The following MTERF4 variants were observed in gnomAD, a reference collection of about 807,000 sequenced individuals.
MTERF4 encodes mitochondrial transcription termination factor 4, also known as transcription termination factor 4, mitochondrial.
Under a neutral mutation model 22.5 loss-of-function variants are expected in MTERF4, and 17 were observed. The observed-to-expected ratio is 0.75, with a 90% CI of 0.52 to 1.13. The LOEUF is 1.13. Among genes scored for constraint, MTERF4 ranks in the 50% most tolerant of loss-of-function variants. The pLI is 0.00. For synonymous variants in MTERF4, 165 were observed against 175.3 expected (o/e 0.94, Z 0.47); for missense variants, 420 against 466.8 (o/e 0.90, Z 0.92).
downstream of MTERF4, chr2:241,082,260 G>C: frequency 6.3e-7 from 1 of 1,591,998 alleles, no homozygotes; most frequent in Non-Finnish European, 8.6e-7. Context: ...GTGAGCCACT[G>C]CCCTTCTTTG....
chr2:241,051,799 G>A, the MTERF4 span: 2 of 1,560,988 alleles, frequency 1.3e-6, no homozygotes, highest in South Asian at 1.2e-5. This position sits in a 1 kb window ranked among gnomAD's most constrained non-coding sequence, Gnocchi z 4.7. Flanking sequence ...CGTGCAAGGA[G>A]GCGGGCGGCG....
downstream of MTERF4, chr2:241,094,151 A>G: frequency 2.7e-6 from 1 of 368,526 alleles, no homozygotes; most frequent in Non-Finnish European, 5.6e-6. This position sits in a 1 kb window ranked among gnomAD's most constrained non-coding sequence, Gnocchi z 4.3. Context: ...AAGGCAATAA[A>G]GACAAACTCT....
downstream of MTERF4, chr2:241,068,001 C>A: frequency 7.4e-7 from 1 of 1,359,800 alleles, no homozygotes; most frequent in Non-Finnish European, 1.0e-6. The surrounding 1 kb of genome is among the most constrained non-coding windows in gnomAD (Gnocchi z 5.3). Flanking sequence ...GGTGGGGGCT[C>A]GGGGACACGG....
chr2:241,088,486 C>T (rs1404140423), downstream of MTERF4: 1 of 1,096,154 alleles, frequency 9.1e-7, no homozygotes, highest in South Asian at 1.2e-5. Flanking sequence ...TCTCAGAGTG[C>T]CGCTGCCTGC....
At chr2:241,052,040 G>T in the MTERF4 span, 1 of 1,612,934 alleles carries the variant, frequency 6.2e-7, no homozygotes, top group South Asian at 1.1e-5. Flanking sequence ...TCTGTTTCCA[G>T]GGAAGCCAGA....
chr2:241,064,482 G>A, the MTERF4 span, among the ~76,000 whole-genome samples: 1 of 152,112 alleles, frequency 6.6e-6, no homozygotes, highest in South Asian at 2.1e-4. The surrounding 1 kb of genome is among the most constrained non-coding windows in gnomAD (Gnocchi z 7.0). Context: ...CCTTCCATCT[G>A]GAACATTCTC....
the MTERF4 span, chr2:241,065,659 C>T: frequency 8.4e-6 from 12 of 1,420,768 alleles, 1 homozygote; most frequent in South Asian, 6.2e-5. Flanking sequence ...GCGCTGGCCC[C>T]GGCACCTGCA....
chr2:241,066,695 C>T, the MTERF4 span, among the ~76,000 whole-genome samples: 16 of 152,162 alleles, frequency 1.1e-4, no homozygotes, highest in Admixed American at 3.9e-4. Context: ...CCCTGCGGGG[C>T]GGCCACGTGA....
At chr2:241,070,917 C>A (rs1037242622), downstream of MTERF4, among the ~76,000 whole-genome samples, 4 of 152,224 alleles carry the variant, frequency 2.6e-5, no homozygotes, top group African/African-American at 9.6e-5. Context: ...TGACCCCAGG[C>A]TCCTCCCCAA....
In MTERF4 at chr2:241,099,365, G is replaced by A. The variant is rs371236460; in HGVS notation, c.520+31C>T. On this transcript the variant is annotated intron_variant, in intron 2 of 3. Coordinates refer to ENST00000391980, the MANE Select transcript of MTERF4 (RefSeq NM_182501.4). Reference sequence around the variant, plus strand: ...TCTGGGATTACAGGCATGAGCCACCGCACCCAGCCAAAATCTGCAACTTCT... The same window carrying A: ...TCTGGGATTACAGGCATGAGCCACCACACCCAGCCAAAATCTGCAACTTCT... 2.9e-5 allele frequency: 47 copies of A among 1,593,514 alleles called. No homozygotes were observed. The East Asian group carries it at 5.4e-4, about 18-fold the overall frequency.
downstream of MTERF4, chr2:241,088,630 G>A (rs955436542): frequency 1.8e-6 from 1 of 553,822 alleles, no homozygotes; most frequent in Non-Finnish European, 3.2e-6. Context: ...CCTTCAGGTG[G>A]AAATGAGGCT....
At chr2:241,056,058 C>T in the MTERF4 span, among the ~76,000 whole-genome samples, 1 of 147,698 alleles carries the variant, frequency 6.8e-6, no homozygotes, top group Non-Finnish European at 1.5e-5. Flanking sequence ...GAAATGATGA[C>T]ACATAATCTA....
At chr2:241,095,530 T>C (rs2064356122), downstream of MTERF4, 1 of 162,402 alleles carries the variant, frequency 6.2e-6, no homozygotes, top group Non-Finnish European at 1.4e-5. Flanking sequence ...CTGCTACATG[T>C]TTTCATAAAA....
the MTERF4 span, among the ~76,000 whole-genome samples, chr2:241,044,497 G>A: frequency 2.6e-5 from 4 of 152,232 alleles, no homozygotes; most frequent in African/African-American, 9.6e-5. Context: ...GATTGGGGAA[G>A]AAGACCAAGC....
intron 1 of MTERF4, 75 bp downstream of exon 1, chr2:241,102,178 G>A (rs2064743757): frequency 6.5e-7 from 1 of 1,544,032 alleles, no homozygotes; most frequent in Non-Finnish European, 8.7e-7. Flanking sequence ...GAAACACTCG[G>A]CGGCCGCGGT....
Position 241,081,572 on chromosome 2 carries a change from A to C in MTERF4, n.480-5890T>G. 3 of 827,396 alleles carry C rather than the reference A, an allele frequency of 3.6e-6. No individual in the cohort carries two copies. In the South Asian group the frequency reaches 4.6e-5, roughly 13 times the overall value. The allele number at this position is 827,396 out of a possible 1,614,324, so 51.3% of individuals were successfully genotyped here. On this transcript the variant is annotated intron_variant and non_coding_transcript_variant, in intron 4 of 4. Coordinates refer to the MTERF4 transcript ENST00000464344. ...ACCGCAGCACACCACAGAGGAGTGCACGGCCACCCTGCATCAGGTCATCAA... is the reference window on the plus strand; with the variant it reads ...ACCGCAGCACACCACAGAGGAGTGCCCGGCCACCCTGCATCAGGTCATCAA...
In MTERF4 at chr2:241,077,044, A is replaced by G. The variant is rs187718471; in HGVS notation, n.480-1362T>C. ...CAGTGAGCTGAGATTGCGCCACTGCACTCCAGCCTGGGCGACAGAGCGAGA... is the reference window on the plus strand; with the variant it reads ...CAGTGAGCTGAGATTGCGCCACTGCGCTCCAGCCTGGGCGACAGAGCGAGA... On this transcript the variant is annotated intron_variant and non_coding_transcript_variant, in intron 4 of 4. Transcript: ENST00000464344. 2.0e-5 allele frequency among the ~76,000 whole-genome samples: 3 copies of G among 150,672 alleles called. No homozygotes were observed. In the East Asian group the frequency reaches 5.9e-4, roughly 29 times the overall value.
At chr2:241,047,777 C>T in the MTERF4 span, among the ~76,000 whole-genome samples, 1 of 150,446 alleles carries the variant, frequency 6.6e-6, no homozygotes, top group African/African-American at 2.5e-5. Flanking sequence ...TCTATCCAAT[C>T]CTGGGTGGTC....
chr2:241,064,215 C>CCCCGCCCTCTG, the MTERF4 span: 1 of 882,150 alleles, frequency 1.1e-6, no homozygotes, highest in Non-Finnish European at 1.7e-6. This position sits in a 1 kb window ranked among gnomAD's most constrained non-coding sequence, Gnocchi z 7.0. Flanking sequence ...CCCGCCTGCT[C>CCCCGCCCTCTG]CCCGCCCTCT....
Sources: allele counts gnomAD v4.1 joint callset (sites outside exome capture counted in the v4.1 genomes callset), GRCh38; gene constraint gnomAD v4.1.1; non-coding constraint Gnocchi (gnomAD v3.1); transcripts MANE v1.5; gene names NCBI Gene and HGNC (gene_info 2026-07-23, HGNC 2026-07-21).